Variants in HLA-DRB1 observed in about 807,000 individuals in gnomAD.
The protein encoded by HLA-DRB1 is major histocompatibility complex, class II, DR beta 1 precursor.
HLA-DRB1 carries 10 observed loss-of-function variants against 27.9 expected under a neutral mutation model. The ratio of observed to expected loss-of-function variants is 0.36; its 90% CI spans 0.22 to 0.61. The LOEUF (loss-of-function observed/expected upper bound fraction) is 0.61, where lower values mean the gene tolerates loss of function less well. HLA-DRB1 is among the 20% of genes least tolerant of loss of function. HLA-DRB1 has a pLI of 0.73. For synonymous variants in HLA-DRB1, 57 were observed against 126.7 expected (o/e 0.45, Z 3.69); for missense variants, 118 against 306.3 (o/e 0.39, Z 4.59).
At position 32,586,806 on chromosome 6, in the gene HLA-DRB1, C is replaced by T. The variant is rs796327772; in HGVS notation, c.101-2428G>A. On this transcript the variant is annotated intron_variant, in intron 1 of 5. Transcript: ENST00000360004. ...CATTTCCTCCCATAGTTTTTCCTAT[C>T]TCAATAAACAACACTACCACCCATT... is the stretch of plus-strand genomic sequence containing the variant. Among the ~76,000 whole-genome samples the T allele has an allele frequency of 4.7e-3, 425 of 89,748 alleles. No individual in the cohort carries two copies. In the East Asian group the frequency reaches 0.064, roughly 14 times the overall value. 58.9% of individuals were successfully genotyped at this position (89,748 alleles called of 152,430 possible). A position where few individuals can be genotyped will look rare whatever the true frequency, so the allele number is the denominator to read the frequency against.
chr6:32,579,059 A>T (rs200538592), exon 6 of HLA-DRB1: 10,660 of 671,194 alleles, frequency 0.016, 2,467 homozygotes, highest in South Asian at 0.08. Context: ...GCCGGGGCAG[A>T]AAGTTCTTCC....
chr6:32,582,371 GCA>G (rs200463001), intron 2 of HLA-DRB1, among the ~76,000 whole-genome samples: 17,113 of 98,582 alleles, frequency 0.17, 11 homozygotes, highest in Admixed American at 0.23. Context: ...CACTGTGAGG[GCA>G]CTCATCACAC....
intron 1 of HLA-DRB1, among the ~76,000 whole-genome samples, chr6:32,584,612 C>CG (rs9281875): frequency 0.021 from 3,029 of 145,974 alleles, 1 homozygote; most frequent in East Asian, 0.086. Context: ...TTGGGACCCC[C>CG]TCCCTGCCTC....
chr6:32,586,265 T>G lies in HLA-DRB1; in HGVS notation c.101-1887A>C, dbSNP rs1433170909. Among the ~76,000 whole-genome samples the G allele has an allele frequency of 3.1e-5, 3 of 95,272 alleles. 1 individual carries two copies. The highest frequency in any genetic ancestry group is 6.4e-5 in the Non-Finnish European group (3 of 47,160). The allele number at this position is 95,272 out of a possible 152,430, so 62.5% of individuals were successfully genotyped here. A position where few individuals can be genotyped will look rare whatever the true frequency, so the allele number is the denominator to read the frequency against. ...AGAGAACAATCCTTCCCTGAAGCTCTCTACTCAAAACAGTCAACCTTAACC... is the reference window on the plus strand; with the variant it reads ...AGAGAACAATCCTTCCCTGAAGCTCGCTACTCAAAACAGTCAACCTTAACC... On this transcript the variant is annotated intron_variant, in intron 1 of 5. Coordinates refer to ENST00000360004, the Ensembl canonical transcript of HLA-DRB1.
At chr6:32,588,761 A>T (rs28724208) in intron 1 of HLA-DRB1, among the ~76,000 whole-genome samples, 7 of 68,362 alleles carry the variant, frequency 1.0e-4, no homozygotes, top group East Asian at 1.1e-3. Context: ...ACATTATTAA[A>T]TTTCTGATAG....
rs200601858 is a variant in HLA-DRB1, at chr6:32,579,111, A to G, written c.788-7T>C. On this transcript the variant is annotated splice_polypyrimidine_tract_variant and splice_region_variant and intron_variant, in intron 5 of 5. Coordinates refer to ENST00000360004, the Ensembl canonical transcript of HLA-DRB1. ...GCATTTCAGCTCAGGAATCCTGCAA[A>G]AGACAGAGGAGAGTGTTGTTTTCAA... The G allele has an allele frequency of 2.8e-4, 258 of 935,960 alleles. 3 individuals are homozygous for G. The highest frequency in any genetic ancestry group is 3.2e-4 in the Middle Eastern group (1 of 3,110). The allele number at this position is 935,960 out of a possible 1,614,324, so 58.0% of individuals were successfully genotyped here.
At chr6:32,578,926 A>G (rs113804375) in exon 6 of HLA-DRB1, 10,741 of 433,732 alleles carry the variant, frequency 0.025, 1,012 homozygotes, top group Admixed American at 0.043. Flanking sequence ...CAAGGGCAGG[A>G]GCTGAGGAAG....
chr6:32,583,091 A>C (rs35290987), intron 2 of HLA-DRB1, among the ~76,000 whole-genome samples: 4,859 of 91,976 alleles, frequency 0.053, no homozygotes, highest in Admixed American at 0.088. Flanking sequence ...TATAGTACAA[A>C]GAACGCAGAA....
chr6:32,586,336 C>A (rs1170203154), intron 1 of HLA-DRB1, among the ~76,000 whole-genome samples: 2 of 94,478 alleles, frequency 2.1e-5, no homozygotes, highest in African/African-American at 8.7e-5. Flanking sequence ...ATCCAGTTTC[C>A]TACCTGGATG....
rs1192488964 is a variant in HLA-DRB1 at position 32,586,852 on chromosome 6, T to C, written c.101-2474A>G. ...CCATTTATTTGTCAAAAGAAAATCC[T>C]TAGGAATAAGCTTGATTGTTCTACC... On this transcript the variant is annotated intron_variant, in intron 1 of 5. Coordinates refer to ENST00000360004, the Ensembl canonical transcript of HLA-DRB1. Among the ~76,000 whole-genome samples the C allele has an allele frequency of 6.7e-5, 6 of 89,188 alleles. No individual in the cohort carries two copies. In the East Asian group the frequency reaches 1.5e-3, roughly 22 times the overall value. 58.5% of individuals were successfully genotyped at this position (89,188 alleles called of 152,430 possible).
At chr6:32,581,388 G>A (rs1348963223) in intron 3 of HLA-DRB1, among the ~76,000 whole-genome samples, 169 bp downstream of exon 3, 1 of 76,938 alleles carries the variant, frequency 1.3e-5, no homozygotes, top group African/African-American at 5.9e-5. Flanking sequence ...GGAGGTACAG[G>A]TGTTTCTAGA....
intron 2 of HLA-DRB1, among the ~76,000 whole-genome samples, chr6:32,582,863 CAACT>C (rs1561809381): frequency 2.6e-5 from 2 of 76,924 alleles, no homozygotes; most frequent in Admixed American, 1.4e-4. Context: ...TCAATAAATA[CAACT>C]ATTTTTTTAG....
intron 2 of HLA-DRB1, among the ~76,000 whole-genome samples, chr6:32,582,774 A>G (rs1775747136): frequency 7.9e-6 from 1 of 126,500 alleles, no homozygotes. Context: ...TTCCAGAATC[A>G]CATTTGGATT....
chr6:32,580,102 CAAAAAAAA>C, intron 5 of HLA-DRB1, 137 bp downstream of exon 5: 1 of 52,754 alleles, frequency 1.9e-5, no homozygotes, highest in Non-Finnish European at 3.3e-5. Context: ...GACTCCGTCT[CAAAAAAAA>C]AAAAAAAAAA....
intron 2 of HLA-DRB1, among the ~76,000 whole-genome samples, chr6:32,582,135 T>C (rs28723976): frequency 7.4e-3 from 755 of 101,996 alleles, no homozygotes; most frequent in Admixed American, 0.015. Context: ...TTAAAACTGA[T>C]ATTTGAGCCA....
chr6:32,581,311 G>GTGCTAT (rs1295443803), intron 3 of HLA-DRB1, among the ~76,000 whole-genome samples: 1 of 77,510 alleles, frequency 1.3e-5, no homozygotes, highest in African/African-American at 5.6e-5. Context: ...ACCCTGACCT[G>GTGCTAT]CAAAATCATG....
chr6:32,584,686 G>T (rs41287319), intron 1 of HLA-DRB1, among the ~76,000 whole-genome samples: 2 of 112,752 alleles, frequency 1.8e-5, no homozygotes, highest in Non-Finnish European at 3.7e-5. Context: ...CGCAGCCCGC[G>T]CCGCCTCCTC....
chr6:32,582,099 A>T (rs1459301926), intron 2 of HLA-DRB1, among the ~76,000 whole-genome samples: 1 of 86,904 alleles, frequency 1.2e-5, no homozygotes, highest in African/African-American at 4.7e-5. Context: ...CTGTTTACAA[A>T]TCTTGGAAAG....
At chr6:32,589,795 G>C (rs868766399) in exon 1 of HLA-DRB1, 28,960 of 351,054 alleles carry the variant, frequency 0.082, 364 homozygotes, top group East Asian at 0.14. Flanking sequence ...GTCTCACTCA[G>C]GGAGAACTAT....
Sources: allele counts gnomAD v4.1 joint callset (sites outside exome capture counted in the v4.1 genomes callset), GRCh38; gene constraint gnomAD v4.1.1; transcripts MANE v1.5; gene names NCBI Gene and HGNC (gene_info 2026-07-23, HGNC 2026-07-21).